Variants in NXPH1 observed in about 807,000 individuals in gnomAD.
The protein encoded by NXPH1 is neurexophilin-1.
In NXPH1, 5 loss-of-function variants were observed where a neutral mutation model predicts 23.7. The ratio of observed to expected loss-of-function variants is 0.21; its 90% confidence interval spans 0.11 to 0.44. The LOEUF (loss-of-function observed/expected upper bound fraction) is 0.44, where lower values mean the gene tolerates loss of function less well. Ranked by LOEUF, NXPH1 falls within the 20% of genes least tolerant of loss-of-function variation. NXPH1 has a pLI of 0.99. For missense variants in NXPH1, 324 were observed against 321.6 expected (o/e 1.01, Z -0.06); for synonymous variants, 144 against 122.2 (o/e 1.18, Z -1.18).
At chr7:8,443,630 T>C (rs1176144892) in intron 2 of NXPH1, among the ~76,000 whole-genome samples, 2 of 152,220 alleles carry the variant, frequency 1.3e-5, no homozygotes, top group Admixed American at 1.3e-4. Context: ...GCAGTAATTA[T>C]TCACGGGGAG....
intron 2 of NXPH1, among the ~76,000 whole-genome samples, chr7:8,535,522 G>A (rs1818013668): frequency 1.3e-5 from 2 of 151,784 alleles, no homozygotes; most frequent in African/African-American, 4.8e-5. Flanking sequence ...ATTGGGATAT[G>A]GAATATAGCA....
chr7:8,470,751 C>G (rs1816860176), intron 2 of NXPH1, among the ~76,000 whole-genome samples: 2 of 152,252 alleles, frequency 1.3e-5, no homozygotes, highest in South Asian at 4.1e-4. Flanking sequence ...AATGTCCTGT[C>G]AACTTGTCAC....
chr7:8,652,393 TC>T lies in NXPH1; in HGVS notation c.55-98614del, dbSNP rs1357077404. ...ATAGTTAATGAAAGGTTTTATCATT[TC>T]TTTTTATTCATTCAAAATAGAGCCA... On this transcript the variant is annotated intron_variant, in intron 2 of 2. Coordinates refer to ENST00000405863, the MANE Select transcript of NXPH1 (RefSeq NM_152745.3). Among the ~76,000 whole-genome samples, 11 of 152,270 alleles carry T rather than the reference TC, an allele frequency of 7.2e-5. No homozygotes were observed. The South Asian group carries it at 8.3e-4, about 11-fold the overall frequency.
At chr7:8,465,566 G>A (rs879437428) in intron 2 of NXPH1, among the ~76,000 whole-genome samples, 5 of 152,116 alleles carry the variant, frequency 3.3e-5, no homozygotes, top group South Asian at 2.1e-4. Flanking sequence ...CTAGTGTAGC[G>A]CAAGATACCA....
chr7:8,637,807 G>C (rs1820243322), intron 2 of NXPH1, among the ~76,000 whole-genome samples: 1 of 152,096 alleles, frequency 6.6e-6, no homozygotes, highest in Admixed American at 6.6e-5. Flanking sequence ...GTTTAAGTCA[G>C]GAAATAAATA....
chr7:8,435,471 T>G lies in NXPH1; in HGVS notation c.-110-133T>G, dbSNP rs1816175300. The G allele has an allele frequency of 1.8e-6, 1 of 564,866 alleles. No individual in the cohort carries two copies. Among genetic ancestry groups the G allele is most frequent in the Non-Finnish European group, 3.1e-6 (1 of 318,070 alleles). 35.0% of individuals were successfully genotyped at this position (564,866 alleles called of 1,614,324 possible). ...TCTCAGGCGCTGGATTTACTCGCTT[T>G]TCAATTTTTCGTACCCTCCCTCCCT... On this transcript the variant is annotated intron_variant, in intron 1 of 2. Transcript: ENST00000405863. The surrounding 1 kb of genome is among the most constrained non-coding windows in gnomAD (Gnocchi z 5.9).
chr7:8,687,924 C>T (rs989013195), intron 2 of NXPH1, among the ~76,000 whole-genome samples: 17 of 152,028 alleles, frequency 1.1e-4, no homozygotes, highest in African/African-American at 3.9e-4. Context: ...GGCTCTGTTG[C>T]TTTTTTTCCA....
At chr7:8,651,527 G>T (rs1583214787) in intron 2 of NXPH1, among the ~76,000 whole-genome samples, 1 of 151,762 alleles carries the variant, frequency 6.6e-6, no homozygotes. Flanking sequence ...TCTAGTTCTA[G>T]ATCCCTGAGG....
intron 2 of NXPH1, among the ~76,000 whole-genome samples, chr7:8,553,518 G>C (rs1036918399): frequency 5.9e-5 from 9 of 151,468 alleles, no homozygotes; most frequent in Admixed American, 3.3e-4. Context: ...TTTTATGACT[G>C]ACTGACTAAT....
At chr7:8,611,147 G>A (rs766394097) in intron 2 of NXPH1, among the ~76,000 whole-genome samples, 10 of 152,062 alleles carry the variant, frequency 6.6e-5, no homozygotes, top group Non-Finnish European at 1.5e-4. Context: ...GTGATACAGA[G>A]TGATATTTTG....
intron 2 of NXPH1, among the ~76,000 whole-genome samples, chr7:8,628,882 A>G (rs2115132668): frequency 6.6e-6 from 1 of 151,728 alleles, no homozygotes; most frequent in Admixed American, 6.6e-5. Context: ...CCTTGAAGCC[A>G]GACCCCGTAT....
At chr7:8,708,248 T>C (rs1464969840) in intron 2 of NXPH1, among the ~76,000 whole-genome samples, 2 of 152,200 alleles carry the variant, frequency 1.3e-5, no homozygotes, top group South Asian at 2.1e-4. Flanking sequence ...TGAAGGAAGA[T>C]ATGTTTTTCC....
At chr7:8,485,645 G>C (rs1032579392) in intron 2 of NXPH1, among the ~76,000 whole-genome samples, 1 of 152,150 alleles carries the variant, frequency 6.6e-6, no homozygotes, top group Non-Finnish European at 1.5e-5. Context: ...TTTTGCTTAA[G>C]TGGAGGCGGG....
intron 2 of NXPH1, among the ~76,000 whole-genome samples, chr7:8,552,234 G>A (rs1818290249): frequency 6.6e-6 from 1 of 150,748 alleles, no homozygotes; most frequent in Non-Finnish European, 1.5e-5. Context: ...TACTACTGCT[G>A]ACAATTACAC....
intron 2 of NXPH1, among the ~76,000 whole-genome samples, chr7:8,591,842 GTTTC>G (rs1198642354): frequency 2.4e-5 from 3 of 126,906 alleles, no homozygotes; most frequent in South Asian, 2.3e-4. Context: ...AAGGGCTGAG[GTTTC>G]TTTTTTTTTT....
intron 2 of NXPH1, among the ~76,000 whole-genome samples, chr7:8,537,726 T>A (rs1818050220): frequency 1.3e-5 from 2 of 151,926 alleles, no homozygotes; most frequent in South Asian, 2.1e-4. Context: ...CTAATTAATA[T>A]TTTTCTGGGC....
chr7:8,507,708 A>T (rs1044279789), intron 2 of NXPH1, among the ~76,000 whole-genome samples: 2 of 152,134 alleles, frequency 1.3e-5, no homozygotes, highest in African/African-American at 4.8e-5. Flanking sequence ...GAAAGATAAC[A>T]GCAGGCTTGT....
At chr7:8,579,211 G>C (rs1406314005) in intron 2 of NXPH1, among the ~76,000 whole-genome samples, 1 of 152,154 alleles carries the variant, frequency 6.6e-6, no homozygotes, top group Non-Finnish European at 1.5e-5. Context: ...TTGACAGATA[G>C]AGAGCGAGCA....
At position 8,603,113 on chromosome 7, in the gene NXPH1, C is replaced by T. The variant is rs190828882; in HGVS notation, c.55-147895C>T. On this transcript the variant is annotated intron_variant, in intron 2 of 2. Coordinates refer to ENST00000405863, the MANE Select transcript of NXPH1 (RefSeq NM_152745.3). Reference sequence around the variant, plus strand: ...GACGTGAGCCACCGTGCTCTGTCTACCCTTGTGTCTTTTGCAGCTCTTAGC... The same window carrying T: ...GACGTGAGCCACCGTGCTCTGTCTATCCTTGTGTCTTTTGCAGCTCTTAGC... Among the ~76,000 whole-genome samples the T allele has an allele frequency of 4.6e-5, 7 of 152,232 alleles. No individual in the cohort carries two copies. The East Asian group carries it at 7.7e-4, about 17-fold the overall frequency.
Sources: gnomAD v4.1 joint callset for allele counts (sites outside exome capture counted in the v4.1 genomes callset) on GRCh38, gnomAD v4.1.1 for gene constraint, Gnocchi (gnomAD v3.1) non-coding constraint, MANE v1.5 for transcripts, NCBI Gene and HGNC (gene_info 2026-07-23, HGNC 2026-07-21) for gene names.